ADAMTS20: variants seen among roughly 807,000 people sequenced by gnomAD.
ADAMTS20 encodes the protein ADAM metallopeptidase with thrombospondin type 1 motif 20, also known as A disintegrin and metalloproteinase with thrombospondin motifs 20.
Under a neutral mutation model 260.1 loss-of-function variants are expected in ADAMTS20, and 225 were observed. The ratio of observed to expected loss-of-function variants is 0.87; its 90% CI spans 0.78 to 0.97. The LOEUF is 0.97. Ranked by LOEUF, ADAMTS20 falls within the 50% of genes least tolerant of loss-of-function variation. ADAMTS20 has a pLI of 0.00. For synonymous variants in ADAMTS20, 802 were observed against 769.5 expected, an observed-to-expected ratio of 1.04 and a Z score of -0.70; for missense variants, 2,400 against 2,337.7, an observed-to-expected ratio of 1.03 and a Z score of -0.55.
chr12:43,493,481 G>A (rs1592096350), intron 4 of ADAMTS20, among the ~76,000 whole-genome samples: 1 of 152,256 alleles, frequency 6.6e-6, no homozygotes, highest in East Asian at 1.9e-4. Context: ...CAAAATTTGA[G>A]TATCTTAAAC....
rs1592077464 is a variant in ADAMTS20 at position 43,454,033 on chromosome 12, C to A, written c.1634G>T (p.Cys545Phe). 2.5e-6 allele frequency: 4 copies of A among 1,613,658 alleles called. No individual in the cohort carries two copies. In the East Asian group the frequency reaches 8.9e-5, roughly 36 times the overall value. Reference sequence around the variant, plus strand: ...ACGTGTTTCCGTTTCTTTGTTTACACATAGCCCATGACGGCAATGCTATAA... The same window carrying A: ...ACGTGTTTCCGTTTCTTTGTTTACAAATAGCCCATGACGGCAATGCTATAA... Reference protein sequence around the residue: ...GPGMHCRHGLCVNKETETRPV... With the variant: ...GPGMHCRHGLFVNKETETRPV... The change falls in exon 12 of 39, where the codon TGT (cysteine) becomes TTT (phenylalanine). Residue 545 changes from cysteine (C) to phenylalanine (F), a missense_variant. Cys to Phe is a radical substitution (Grantham distance 205). Transcript: ENST00000389420.
At chr12:43,368,117 T>C (rs531568109) in intron 37 of ADAMTS20, among the ~76,000 whole-genome samples, 118 of 152,238 alleles carry the variant, frequency 7.8e-4, no homozygotes, top group African/African-American at 2.8e-3. Context: ...CTTTCTTTCC[T>C]GTGATCTCCT....
chr12:43,391,077 A>C (rs928584714), intron 29 of ADAMTS20, among the ~76,000 whole-genome samples: 1 of 152,216 alleles, frequency 6.6e-6, no homozygotes, highest in Non-Finnish European at 1.5e-5. Flanking sequence ...TGGGAATTTC[A>C]AGATCAAGGT....
intron 36 of ADAMTS20, among the ~76,000 whole-genome samples, chr12:43,373,726 C>G (rs1400726903): frequency 6.5e-4 from 78 of 120,508 alleles, no homozygotes; most frequent in African/African-American, 2.5e-3. Context: ...GTCGCCCAGG[C>G]TGGAGTGCAG....
At chr12:43,378,420 C>T (rs1421874073) in intron 31 of ADAMTS20, among the ~76,000 whole-genome samples, 6 of 152,144 alleles carry the variant, frequency 3.9e-5, no homozygotes, top group Non-Finnish European at 7.3e-5. Flanking sequence ...AAATATAGTG[C>T]CTATTCCCTC....
At chr12:43,400,273 G>A (rs1940783775) in intron 28 of ADAMTS20, among the ~76,000 whole-genome samples, 1 of 151,816 alleles carries the variant, frequency 6.6e-6, no homozygotes, top group Non-Finnish European at 1.5e-5. Flanking sequence ...ACAGTTGTTG[G>A]CATATGGTTT....
In ADAMTS20 at chr12:43,528,279, G is replaced by T. The variant is rs182893807; in HGVS notation, c.613+3757C>A. On this transcript the variant is annotated intron_variant, in intron 3 of 38. Transcript: ENST00000389420. ...ACATTGCCAAAAATTCATTTTCAAAGAATTAGGAAAAAAATCCTAAAATTC... is the reference window on the plus strand; with the variant it reads ...ACATTGCCAAAAATTCATTTTCAAATAATTAGGAAAAAAATCCTAAAATTC... Among the ~76,000 whole-genome samples, 354 of 88,416 alleles carry T rather than the reference G, an allele frequency of 4.0e-3. 2 individuals carry two copies. Among genetic ancestry groups the T allele is most frequent in the Middle Eastern group, 0.026 (3 of 114 alleles). The allele number at this position is 88,416 out of a possible 152,430, so 58.0% of individuals were successfully genotyped here. A position where few individuals can be genotyped will look rare whatever the true frequency, so the allele number is the denominator to read the frequency against.
At chr12:43,396,739 A>G (rs1391045917) in intron 29 of ADAMTS20, among the ~76,000 whole-genome samples, 2 of 152,172 alleles carry the variant, frequency 1.3e-5, no homozygotes, top group Admixed American at 6.5e-5. Context: ...ATAATTTCAT[A>G]TTTGGTGGTA....
At chr12:43,533,425 T>C (rs1286934070) in intron 2 of ADAMTS20, among the ~76,000 whole-genome samples, 1 of 132,848 alleles carries the variant, frequency 7.5e-6, no homozygotes, top group African/African-American at 2.7e-5. Flanking sequence ...ACAAGGGATG[T>C]GAAGGACCTC....
chr12:43,481,676 C>T lies in ADAMTS20; in HGVS notation c.1117+8719G>A, dbSNP rs190973078. Reference sequence around the variant, plus strand: ...AATAATCTGTTGCATTTCTATGGACCGGCATCATAAAACATTTACTTTAAC... The same window carrying T: ...AATAATCTGTTGCATTTCTATGGACTGGCATCATAAAACATTTACTTTAAC... On this transcript the variant is annotated intron_variant, in intron 7 of 38. Coordinates refer to ENST00000389420, the MANE Select transcript of ADAMTS20 (RefSeq NM_025003.5). 4.8e-4 allele frequency among the ~76,000 whole-genome samples: 73 copies of T among 152,138 alleles called. 1 individual carries two copies. The highest frequency in any genetic ancestry group is 8.8e-4 in the Non-Finnish European group (60 of 67,984).
chr12:43,445,385 T>C (rs1258299754), intron 15 of ADAMTS20, among the ~76,000 whole-genome samples: 4 of 152,176 alleles, frequency 2.6e-5, no homozygotes, highest in Admixed American at 2.0e-4. Flanking sequence ...AAAAATCATA[T>C]ATCAAATCAT....
chr12:43,470,084 C>T (rs1046153136), intron 7 of ADAMTS20, among the ~76,000 whole-genome samples: 3 of 152,184 alleles, frequency 2.0e-5, no homozygotes, highest in African/African-American at 4.8e-5. Flanking sequence ...ATTATTTCCT[C>T]TGTAGAGTGT....
At chr12:43,405,053 C>T (rs1299683256) in intron 28 of ADAMTS20, among the ~76,000 whole-genome samples, 2 of 151,516 alleles carry the variant, frequency 1.3e-5, no homozygotes, top group Non-Finnish European at 2.9e-5. Flanking sequence ...AGTTAAACTA[C>T]TACTCCTTAA....
chr12:43,521,050 A>C (rs1303520611), intron 3 of ADAMTS20, among the ~76,000 whole-genome samples: 2 of 152,258 alleles, frequency 1.3e-5, no homozygotes, highest in Non-Finnish European at 2.9e-5. Flanking sequence ...CAGTTCCTTC[A>C]TGATACCTCA....
chr12:43,366,935 T>C (rs1939999635), intron 37 of ADAMTS20, among the ~76,000 whole-genome samples: 1 of 152,056 alleles, frequency 6.6e-6, no homozygotes, highest in South Asian at 2.1e-4. Context: ...GAACAATGTG[T>C]GACAACCAAT....
chr12:43,383,578 C>T lies in ADAMTS20; in HGVS notation c.4777G>A (p.Val1593Ile), dbSNP rs1555173479. ...CRNPPCNYIV[V>I]TADSSQCANN... ...CTTACCTGTGATGAGTCTGCTGTTA[C>T]CACAATGTAATTGCAAGGAGGGTTC... Residue 1593 changes from valine (V) to isoleucine (I), a missense_variant, in exon 31 of 39, where the codon GTA (valine) becomes ATA (isoleucine). Coordinates refer to ENST00000389420, the MANE Select transcript of ADAMTS20 (RefSeq NM_025003.5). The T allele has an allele frequency of 6.2e-7, 1 of 1,612,578 alleles. No homozygotes were observed. Among genetic ancestry groups the T allele is most frequent in the South Asian group, 1.1e-5 (1 of 90,894 alleles).
intron 10 of ADAMTS20, 30 bp downstream of exon 10, chr12:43,464,561 G>A (rs754985681): frequency 2.5e-5 from 40 of 1,599,844 alleles, no homozygotes; most frequent in East Asian, 4.5e-5. Flanking sequence ...GGCAGTTTTC[G>A]AACAAAATAA....
chr12:43,429,272 T>G (rs1941394363), intron 24 of ADAMTS20, among the ~76,000 whole-genome samples: 1 of 152,146 alleles, frequency 6.6e-6, no homozygotes, highest in Non-Finnish European at 1.5e-5. Flanking sequence ...AAGCTTTCAG[T>G]GTAGAAAAAC....
chr12:43,422,975 T>G (rs188450774), intron 28 of ADAMTS20: 2 of 152,104 alleles, frequency 1.3e-5, no homozygotes, highest in Non-Finnish European at 2.9e-5. Context: ...ACAGTGGATA[T>G]GTAGAGAAGG....
Sources: gnomAD v4.1 joint callset for allele counts (sites outside exome capture counted in the v4.1 genomes callset) on GRCh38, gnomAD v4.1.1 for gene constraint, MANE v1.5 for transcripts, NCBI Gene and HGNC (gene_info 2026-07-23, HGNC 2026-07-21) for gene names.